PLEC: variants seen among roughly 807,000 people sequenced by gnomAD.
The protein encoded by PLEC is plectin, also known as hemidesmosomal protein 1.
PLEC carries 216 observed loss-of-function variants against 392.8 expected under a neutral mutation model. The ratio of observed to expected loss-of-function variants is 0.55; its 90% CI spans 0.49 to 0.62. The LOEUF is 0.62. Among genes scored for constraint, PLEC ranks in the 20% least tolerant of loss-of-function variants. The pLI is 0.00. For missense variants in PLEC, 6,863 were observed against 6,563.4 expected, an observed-to-expected ratio of 1.05 and a Z score of -1.58; for synonymous variants, 3,621 against 2,980.6, an observed-to-expected ratio of 1.21 and a Z score of -7.00.
upstream of PLEC, chr8:143,953,990 T>A (rs1297325331): frequency 8.2e-7 from 1 of 1,217,120 alleles, no homozygotes; most frequent in African/African-American, 1.6e-5. Context: ...CAGCCTGTGG[T>A]TCTGGGGCAC....
intron 12 of PLEC, 124 bp from the exon 13 acceptor site, chr8:143,933,475 T>TCCTTCCCCTTCCCTCCCTGC: frequency 1.8e-6 from 2 of 1,136,894 alleles, no homozygotes; most frequent in Non-Finnish European, 2.6e-6. Context: ...TCCATCCCTG[T>TCCTTCCCCTTCCCTCCCTGC]CCTTCCCCTT....
upstream of PLEC, chr8:143,958,766 C>T (rs947861083): frequency 4.4e-5 from 16 of 363,694 alleles, no homozygotes; most frequent in Admixed American, 4.7e-4. The surrounding 1 kb of genome is among the most constrained non-coding windows in gnomAD (Gnocchi z 4.9). Flanking sequence ...ATGGTGGCTC[C>T]CCCTTCCCTC....
intron 24 of PLEC, 29 bp from the exon 25 acceptor site, chr8:143,929,310 C>A (rs575603576): frequency 6.3e-7 from 1 of 1,596,030 alleles, no homozygotes; most frequent in South Asian, 1.1e-5. Flanking sequence ...GGAACGCACT[C>A]ATCACCGAGC....
rs185064502 is a variant in PLEC at position 143,922,670 on chromosome 8, G to A, written c.7259C>T (p.Thr2420Met). The A allele has an allele frequency of 3.7e-5, 59 of 1,613,160 alleles. No individual in the cohort carries two copies. In the East Asian group the frequency reaches 4.5e-4, roughly 12 times the overall value. ...CACCTTCTCCTGGGTGGCGAGCTCC[G>A]TGCGGTGCAGCTTCTCACCGATCTC... is the stretch of plus-strand genomic sequence containing the variant. ...AEEIGEKLHR[T>M]ELATQEKVTL... Residue 2420 changes from threonine (T) to methionine (M), a missense_variant, in exon 31 of 32, where the codon ACG (threonine) becomes ATG (methionine). Coordinates refer to ENST00000345136, the MANE Select transcript of PLEC (RefSeq NM_201384.3).
chr8:143,935,987 A>G lies in PLEC; in HGVS notation c.463T>C (p.Ser155Pro), dbSNP rs2132125581. ...TTCTCCTTGGCCGTCATGTCCTCCG[A>G]CTGCCCACTCACCTGGATATCTGAG... Reference protein sequence around the residue: ...QISDIQVSGQSEDMTAKEKLL... With the variant: ...QISDIQVSGQPEDMTAKEKLL... Residue 155 changes from serine to proline, a missense_variant, in exon 6 of 32, where the codon TCG (serine) becomes CCG (proline). Ser to Pro is a moderately conservative substitution (Grantham distance 74). Coordinates refer to ENST00000345136, the MANE Select transcript of PLEC (RefSeq NM_201384.3). 1 of 1,612,526 alleles carries G rather than the reference A, an allele frequency of 6.2e-7. No homozygotes were observed. Among genetic ancestry groups the G allele is most frequent in the Admixed American group, 1.7e-5 (1 of 60,006 alleles).
At position 143,921,698 on chromosome 8, in the gene PLEC, T is replaced by C. The variant is rs782126443; in HGVS notation, c.8123A>G (p.Glu2708Gly). ...CAGGGCGGCGTAAACACTCAGCTTCTCATTGGTGGCCTTCAGCAACAGCCC... is the reference window on the plus strand; with the variant it reads ...CAGGGCGGCGTAAACACTCAGCTTCCCATTGGTGGCCTTCAGCAACAGCCC... ...IAGLLLKATN[E>G]KLSVYAALQR... is the part of the protein sequence containing the mutation. The change falls in exon 32 of 32, where the codon GAG becomes GGG. Residue 2708 changes from glutamate to glycine, a missense_variant. Glu to Gly is a moderately conservative substitution (Grantham distance 98). Coordinates refer to ENST00000345136, the MANE Select transcript of PLEC (RefSeq NM_201384.3). The C allele has an allele frequency of 6.2e-7, 1 of 1,613,072 alleles. No individual in the cohort carries two copies. The highest frequency in any genetic ancestry group is 1.7e-5 in the Admixed American group (1 of 60,032).
chr8:143,963,406 T>G (rs766034601), intron 1 of PLEC, among the ~76,000 whole-genome samples: 1 of 152,228 alleles, frequency 6.6e-6, no homozygotes, highest in South Asian at 2.1e-4. Context: ...TCACGGGCCT[T>G]GAAACCCCAC....
Position 143,919,161 on chromosome 8 carries a change from TCTC to T in PLEC, c.10657_10659del (p.Glu3553del), listed in dbSNP as rs782709442. ...TCCTCCTCAGTGTACACCTGCGTGG[TCTC>T]CACCACCTCAGCCTTCTCCGCCCCT... On this transcript the variant is annotated inframe_deletion, in exon 32 of 32. Coordinates refer to ENST00000345136, the MANE Select transcript of PLEC (RefSeq NM_201384.3). The T allele has an allele frequency of 1.9e-6, 3 of 1,613,480 alleles. No homozygotes were observed. The East Asian group carries it at 6.7e-5, about 36-fold the overall frequency.
At position 143,930,214 on chromosome 8, in the gene PLEC, C is replaced by A; in HGVS notation, c.2542G>T (p.Glu848Ter). The change falls in exon 21 of 32, where the codon GAG (glutamate) becomes TAG (stop). Residue 848 changes from glutamate (E) to a stop codon, truncating the protein, a stop_gained. Coordinates refer to ENST00000345136, the MANE Select transcript of PLEC (RefSeq NM_201384.3). LOFTEE classifies it high-confidence loss of function. ...AAGCACACGGAGGGCACGGCGGCCT[C>A]GCTGCCGGAGCTGCTGAGCACCTTC... ...HWKVLSSSGS[E>*]AAVPSVCFLV... is the part of the protein sequence containing the mutation. 6.3e-7 allele frequency: 1 copy of A among 1,583,522 alleles called. No homozygotes were observed. The highest frequency in any genetic ancestry group is 8.5e-7 in the Non-Finnish European group (1 of 1,171,048).
Position 143,920,941 on chromosome 8 carries a change from G to T in PLEC, c.8880C>A (p.Ile2960=). ...ITVEKIIKII[I]TVVEEQEQKG... is the part of the protein sequence containing the mutation. ...TCTGCTCCTGCTCCTCCACCACCGT[G>T]ATGATGATCTTGATGATCTTCTCCA... The change falls in exon 32 of 32, where the codon ATC becomes ATA. Residue 2960 remains isoleucine (I), a synonymous_variant. Coordinates refer to ENST00000345136, the MANE Select transcript of PLEC (RefSeq NM_201384.3). 1 of 1,612,980 alleles carries T rather than the reference G, an allele frequency of 6.2e-7. No individual in the cohort carries two copies.
At chr8:143,953,291 G>A (rs1220331185), upstream of PLEC, among the ~76,000 whole-genome samples, 2 of 147,382 alleles carry the variant, frequency 1.4e-5, no homozygotes, top group African/African-American at 5.0e-5. Context: ...CCGCAGTGTG[G>A]ACTTGCTCAG....
In PLEC at chr8:143,934,440, C is replaced by T. The variant is rs782594871; in HGVS notation, c.1047G>A (p.Ala349=). ...SKGIYQSLEG[A]VQAGQLKVPP... is the part of the protein sequence containing the mutation. ...GCACCTTGAGCTGGCCTGCTTGCAC[C>T]GCTCCCTGTAGACAGGGGCCACACT... The change falls in exon 11 of 32, where the codon GCG becomes GCA. Residue 349 remains alanine, a synonymous_variant. Transcript: ENST00000345136. 2.0e-5 allele frequency: 33 copies of T among 1,611,248 alleles called. No homozygotes were observed. Among genetic ancestry groups the T allele is most frequent in the Non-Finnish European group, 2.5e-5 (29 of 1,179,856 alleles).
In PLEC at chr8:143,935,126, A is replaced by C; in HGVS notation, c.719-9T>G. ...CTGAGGGACATCCACGTCTGCAGGG[A>C]AGGGCAGCTCAGCGGTGGCTCTGGG... On this transcript the variant is annotated splice_polypyrimidine_tract_variant and intron_variant, in intron 7 of 31. Transcript: ENST00000345136. The C allele has an allele frequency of 2.5e-6, 4 of 1,612,750 alleles. No homozygotes were observed. Among genetic ancestry groups the C allele is most frequent in the Non-Finnish European group, 3.4e-6 (4 of 1,179,750 alleles).
At chr8:143,932,751 C>T in intron 14 of PLEC, 39 bp from the exon 15 acceptor site, 1 of 1,608,380 alleles carries the variant, frequency 6.2e-7, no homozygotes, top group Non-Finnish European at 8.5e-7. Flanking sequence ...AGTGGCTGGG[C>T]CCGGCCCACC....
intron 5 of PLEC, among the ~76,000 whole-genome samples, chr8:143,936,760 C>G (rs1554723679): frequency 6.6e-6 from 1 of 152,188 alleles, no homozygotes; most frequent in African/African-American, 2.4e-5. Context: ...CCAGAGGGCA[C>G]GGATAGGTGG....
chr8:143,927,639 C>G lies in PLEC; in HGVS notation c.3527G>C (p.Arg1176Pro), dbSNP rs782533009. Residue 1176 changes from arginine (R) to proline (P), a missense_variant, in exon 27 of 32, where the codon CGC becomes CCC. Physicochemically the swap from Arg to Pro is moderately radical, Grantham distance 103 (BLOSUM62 -2). Transcript: ENST00000345136. Reference protein sequence around the residue: ...RHGERDVEVERWRERVAQLLE... With the variant: ...RHGERDVEVEPWRERVAQLLE... ...CAACTGGGCGACCCGCTCCCGCCAG[C>G]GCTCCACCTCCACGTCCCGCTCCCC... 4.4e-6 allele frequency: 7 copies of G among 1,586,214 alleles called. No homozygotes were observed. Among genetic ancestry groups the G allele is most frequent in the Non-Finnish European group, 6.0e-6 (7 of 1,169,580 alleles).
upstream of PLEC, chr8:143,942,657 C>T: frequency 9.9e-6 from 11 of 1,109,980 alleles, no homozygotes; most frequent in East Asian, 3.0e-5. Context: ...AATCCGCCCA[C>T]TGCGGGAGCG....
intron 1 of PLEC, among the ~76,000 whole-genome samples, chr8:143,960,524 G>A (rs1459937943): frequency 4.6e-5 from 7 of 151,944 alleles, no homozygotes; most frequent in Non-Finnish European, 1.0e-4. Flanking sequence ...GGCTGAGGCA[G>A]GAGAATCCCT....
At position 143,922,319 on chromosome 8, in the gene PLEC, C is replaced by T. The variant is rs782359358; in HGVS notation, c.7502G>A (p.Ser2501Asn). ...LQQSFLSEKD[S>N]LLQRERFIEQ... The stretch of plus-strand genomic sequence containing the variant: ...GATGAAGCGCTCCCGCTGTAGCAGG[C>T]TGTCCTTTTCAGAGAGGAAGCTTTG... Residue 2501 changes from serine to asparagine, a missense_variant, in exon 32 of 32, where the codon AGC becomes AAC. Transcript: ENST00000345136. 1.2e-6 allele frequency: 2 copies of T among 1,607,518 alleles called. No homozygotes were observed. The highest frequency in any genetic ancestry group is 1.3e-5 in the African/African-American group (1 of 75,064).
Sources: allele counts gnomAD v4.1 joint callset (sites outside exome capture counted in the v4.1 genomes callset), GRCh38; gene constraint gnomAD v4.1.1; non-coding constraint Gnocchi (gnomAD v3.1); transcripts MANE v1.5; gene names NCBI Gene and HGNC (gene_info 2026-07-23, HGNC 2026-07-21).